The following PCDHA5 variants were observed in gnomAD, a reference collection of about 807,000 sequenced individuals.
The protein encoded by PCDHA5 is protocadherin alpha 5.
Under a neutral mutation model 61.6 loss-of-function variants are expected in PCDHA5, and 43 were observed. The ratio of observed to expected loss-of-function variants is 0.70; its 90% CI spans 0.55 to 0.90. The LOEUF (loss-of-function observed/expected upper bound fraction) is 0.90. Among genes scored for constraint, PCDHA5 ranks in the 40% least tolerant of loss-of-function variants. The pLI is 0.00. For synonymous variants in PCDHA5, 627 were observed against 543.9 expected (o/e 1.15, Z -2.13); for missense variants, 1,298 against 1,222.7 (o/e 1.06, Z -0.92).
At chr5:140,857,102 A>G in intron 1 of PCDHA5, 1 of 1,597,722 alleles carries the variant, frequency 6.3e-7, no homozygotes, top group Non-Finnish European at 8.6e-7. Context: ...GGTGATTGTC[A>G]CTTCTCTGTC....
intron 1 of PCDHA5, chr5:140,927,432 C>T: frequency 5.6e-6 from 9 of 1,614,124 alleles, no homozygotes; most frequent in Non-Finnish European, 5.9e-6. Flanking sequence ...TTGACGGCAG[C>T]GAATACCCGG....
At chr5:140,988,253 C>A (rs982953260) in intron 3 of PCDHA5, among the ~76,000 whole-genome samples, 1 of 152,188 alleles carries the variant, frequency 6.6e-6, no homozygotes, top group Non-Finnish European at 1.5e-5. Context: ...CAGCTCCCGC[C>A]TGTGAGTATC....
At chr5:140,834,409 CA>C (rs1179533685) in intron 1 of PCDHA5, 2 of 1,610,410 alleles carry the variant, frequency 1.2e-6, no homozygotes, top group Non-Finnish European at 1.7e-6. Context: ...GGATACGACC[CA>C]GGGGGCCGAC....
At chr5:140,888,321 A>G (rs2061786627) in intron 1 of PCDHA5, among the ~76,000 whole-genome samples, 1 of 152,176 alleles carries the variant, frequency 6.6e-6, no homozygotes, top group Non-Finnish European at 1.5e-5. Flanking sequence ...ATGCCTGGAT[A>G]CATTTTTGGT....
At chr5:140,994,563 G>A (rs1554254253) in intron 3 of PCDHA5, among the ~76,000 whole-genome samples, 1 of 151,976 alleles carries the variant, frequency 6.6e-6, no homozygotes, top group Non-Finnish European at 1.5e-5. Flanking sequence ...AAATTAGCCG[G>A]GTGTGGTGGC....
At chr5:140,944,089 A>G (rs2093608705) in intron 1 of PCDHA5, among the ~76,000 whole-genome samples, 2 of 152,250 alleles carry the variant, frequency 1.3e-5, no homozygotes, top group Non-Finnish European at 1.5e-5. Context: ...AGGCCTGAGT[A>G]AGTTTATATC....
chr5:140,861,489 T>A, intron 1 of PCDHA5: 1 of 487,812 alleles, frequency 2.0e-6, no homozygotes, highest in South Asian at 1.6e-5. Context: ...TTTTGTGAGT[T>A]CTCTGATAGA....
intron 1 of PCDHA5, chr5:140,883,049 G>A: frequency 6.2e-7 from 1 of 1,614,182 alleles, no homozygotes; most frequent in South Asian, 1.1e-5. Context: ...TGGAACATTA[G>A]TGATCAAGCT....
chr5:140,834,584 G>C (rs2150221913), intron 1 of PCDHA5: 1 of 1,614,122 alleles, frequency 6.2e-7, no homozygotes, highest in Non-Finnish European at 8.5e-7. Flanking sequence ...TCCGGGCGGT[G>C]TGCAAATTCC....
chr5:140,850,367 G>T, intron 1 of PCDHA5: 3 of 1,597,916 alleles, frequency 1.9e-6, no homozygotes, highest in Non-Finnish European at 8.6e-7. Context: ...CGTTCCGCGT[G>T]GGGCTGTACA....
At chr5:140,927,688 G>C in intron 1 of PCDHA5, 1 of 1,614,062 alleles carries the variant, frequency 6.2e-7, no homozygotes, top group Non-Finnish European at 8.5e-7. Context: ...AGGGTCCAAT[G>C]GGGAAGTCCA....
At chr5:140,965,402 G>A (rs1554227671) in intron 1 of PCDHA5, among the ~76,000 whole-genome samples, 1 of 152,112 alleles carries the variant, frequency 6.6e-6, no homozygotes, top group Non-Finnish European at 1.5e-5. Context: ...AGTCTAAGGA[G>A]TCTTATATTT....
chr5:140,948,912 C>A (rs1038670333), intron 1 of PCDHA5, among the ~76,000 whole-genome samples: 1 of 150,924 alleles, frequency 6.6e-6, no homozygotes, highest in Non-Finnish European at 1.5e-5. Context: ...TCTTAGGTAA[C>A]TGATTAGGTA....
At position 140,829,922 on chromosome 5, in the gene PCDHA5, C is replaced by T. The variant is rs2150177863; in HGVS notation, c.2352+5795C>T. The T allele has an allele frequency of 3.7e-6, 6 of 1,614,010 alleles. No homozygotes were observed. The Middle Eastern group carries it at 5.0e-4, about 133-fold the overall frequency. On this transcript the variant is annotated intron_variant, in intron 1 of 3. Transcript: ENST00000529859. ...CTACAACGCGTGGCTTTCGTATGAG[C>T]TGCAGCCCCCGGCAAGCAGCGCTCG... is the stretch of plus-strand genomic sequence containing the variant.
intron 1 of PCDHA5, chr5:140,866,782 C>A (rs1318646938): frequency 1.3e-5 from 2 of 152,160 alleles, no homozygotes; most frequent in Admixed American, 6.5e-5. Context: ...TATGTCCTGA[C>A]TGATATAGTA....
At chr5:140,913,945 A>T (rs2076523304) in intron 1 of PCDHA5, among the ~76,000 whole-genome samples, 1 of 152,086 alleles carries the variant, frequency 6.6e-6, no homozygotes, top group Non-Finnish European at 1.5e-5. Flanking sequence ...AAGAATCTTG[A>T]TATGATATCA....
chr5:140,884,125 C>T (rs1554181246), intron 1 of PCDHA5: 1 of 1,613,416 alleles, frequency 6.2e-7, no homozygotes, highest in Admixed American at 1.7e-5. Context: ...TCGGCGCGCG[C>T]ATCCCGTTCC....
chr5:140,883,768 C>T, intron 1 of PCDHA5: 1 of 1,612,160 alleles, frequency 6.2e-7, no homozygotes, highest in Non-Finnish European at 8.5e-7. Flanking sequence ...GGCGGGTGGG[C>T]GAGCGTGCGC....
intron 1 of PCDHA5, among the ~76,000 whole-genome samples, chr5:140,941,185 C>CTT (rs782102770): frequency 2.0e-5 from 2 of 102,242 alleles, no homozygotes; most frequent in East Asian, 7.3e-4. Context: ...CATCCTGCTT[C>CTT]TTTTTTTTTC....
Sources: allele counts gnomAD v4.1 joint callset (sites outside exome capture counted in the v4.1 genomes callset), GRCh38; gene constraint gnomAD v4.1.1; transcripts MANE v1.5; gene names NCBI Gene and HGNC (gene_info 2026-07-23, HGNC 2026-07-21).